Variants in AOAH observed in about 807,000 individuals in gnomAD.
The protein encoded by AOAH is acyloxyacyl hydrolase (neutrophil).
A neutral mutation model predicts 92.2 loss-of-function variants in AOAH; 64 were observed. The observed-to-expected ratio is 0.69, with a 90% confidence interval of 0.57 to 0.86. AOAH has a LOEUF of 0.86. AOAH is among the 40% of genes least tolerant of loss of function. AOAH has a pLI of 0.00. For missense variants in AOAH, 656 were observed against 694.6 expected (o/e 0.94, Z 0.62); for synonymous variants, 263 against 254.5 (o/e 1.03, Z -0.32).
chr7:36,682,313 A>G (rs1216240499), intron 2 of AOAH, among the ~76,000 whole-genome samples: 1 of 152,204 alleles, frequency 6.6e-6, no homozygotes, highest in Non-Finnish European at 1.5e-5. Flanking sequence ...TTTTTTTAAC[A>G]CTACCCCAAA....
intron 15 of AOAH, among the ~76,000 whole-genome samples, chr7:36,543,591 TC>T (rs1188561019): frequency 6.6e-6 from 1 of 151,630 alleles, no homozygotes; most frequent in African/African-American, 2.4e-5. Context: ...ATTTTTTTTT[TC>T]GGTTAGAGGC....
chr7:36,722,785 T>TA (rs1249182759), intron 1 of AOAH, among the ~76,000 whole-genome samples: 1 of 151,514 alleles, frequency 6.6e-6, no homozygotes, highest in Non-Finnish European at 1.5e-5. Flanking sequence ...ATACAAAAAA[T>TA]TAGCTGGGTG....
chr7:36,629,758 G>C (rs1209216852), intron 6 of AOAH, among the ~76,000 whole-genome samples: 1 of 152,210 alleles, frequency 6.6e-6, no homozygotes, highest in African/African-American at 2.4e-5. Context: ...TATTACAACA[G>C]ATGAGAGATG....
chr7:36,591,460 A>G (rs141635915), intron 12 of AOAH, among the ~76,000 whole-genome samples: 3 of 152,210 alleles, frequency 2.0e-5, no homozygotes, highest in Non-Finnish European at 4.4e-5. Context: ...CCACACCTAG[A>G]TGGTCACTTA....
intron 19 of AOAH, among the ~76,000 whole-genome samples, chr7:36,523,629 G>GTTTT (rs57628897): frequency 0.081 from 8,092 of 99,834 alleles, 406 homozygotes; most frequent in East Asian, 0.13. Flanking sequence ...TGTTTTGCCT[G>GTTTT]TTTTTTTTTT....
intron 19 of AOAH, among the ~76,000 whole-genome samples, chr7:36,529,121 A>G (rs2115950343): frequency 6.6e-6 from 1 of 152,320 alleles, no homozygotes; most frequent in East Asian, 1.9e-4. Flanking sequence ...TTTGTTAGGA[A>G]GATATGGTAT....
At position 36,632,122 on chromosome 7, in the gene AOAH, A is replaced by T; in HGVS notation, c.451-16T>A. 5 of 1,599,810 alleles carry T rather than the reference A, an allele frequency of 3.1e-6. No individual in the cohort carries two copies. The highest frequency in any genetic ancestry group is 4.3e-6 in the Non-Finnish European group (5 of 1,173,976). ...TAGAATATTTCTGGGGAGAAAAAAA[A>T]AAACAAAAAGAGAGTTGTTTAGTTT... is the stretch of plus-strand genomic sequence containing the variant. On this transcript the variant is annotated splice_polypyrimidine_tract_variant and intron_variant, in intron 5 of 20. Coordinates refer to ENST00000617537, the MANE Select transcript of AOAH (RefSeq NM_001637.4).
chr7:36,519,086 C>T (rs181952089), intron 20 of AOAH, among the ~76,000 whole-genome samples: 10 of 152,342 alleles, frequency 6.6e-5, no homozygotes, highest in East Asian at 3.9e-4. Flanking sequence ...TTACCCTCCA[C>T]GCCGCTACTA....
Position 36,523,629 on chromosome 7 carries a change from G to GGTTTTTT in AOAH, c.1523-1515_1523-1514insAAAAAAC, listed in dbSNP as rs759621905. On this transcript the variant is annotated intron_variant, in intron 19 of 20. Transcript: ENST00000617537. Reference sequence around the variant, plus strand: ...TCAGTTTGCCTGGCCTGTTTTGCCTGTTTTTTTTTTTTTTTTTTTTGGCAT... The same window carrying GGTTTTTT: ...TCAGTTTGCCTGGCCTGTTTTGCCTGGTTTTTTTTTTTTTTTTTTTTTTTTTTGGCAT... Among the ~76,000 whole-genome samples the GGTTTTTT allele has an allele frequency of 7.6e-3, 765 of 100,060 alleles. 19 individuals are homozygous for GGTTTTTT. Among genetic ancestry groups the GGTTTTTT allele is most frequent in the African/African-American group, 0.029 (711 of 24,612 alleles). The allele number at this position is 100,060 out of a possible 152,430, so 65.6% of individuals were successfully genotyped here.
chr7:36,657,773 G>C (rs2116509689), intron 4 of AOAH, among the ~76,000 whole-genome samples: 1 of 152,278 alleles, frequency 6.6e-6, no homozygotes, highest in East Asian at 1.9e-4. Context: ...TTGAGAAGGG[G>C]GTCAGGGTAG....
intron 1 of AOAH, among the ~76,000 whole-genome samples, chr7:36,692,599 G>A (rs1797470001): frequency 6.6e-6 from 1 of 152,114 alleles, no homozygotes. Context: ...CCCAAGCAAG[G>A]CGTGAGAAGA....
chr7:36,702,108 A>G (rs1176632946), intron 1 of AOAH, among the ~76,000 whole-genome samples: 1 of 152,168 alleles, frequency 6.6e-6, no homozygotes, highest in African/African-American at 2.4e-5. Context: ...TTATATCTAT[A>G]AGTGTTATAA....
intron 1 of AOAH, among the ~76,000 whole-genome samples, chr7:36,722,749 A>G (rs995834036): frequency 1.3e-5 from 2 of 151,900 alleles, no homozygotes; most frequent in African/African-American, 2.4e-5. Context: ...TGTGGCCAAC[A>G]TAGGGAAACC....
intron 19 of AOAH, among the ~76,000 whole-genome samples, chr7:36,527,226 G>C (rs914926823): frequency 8.5e-5 from 13 of 152,138 alleles, no homozygotes; most frequent in African/African-American, 3.1e-4. Context: ...GAAAATGAAT[G>C]GGTCTTGTGC....
At position 36,678,600 on chromosome 7, in the gene AOAH, T is replaced by TGTGCGC. The variant is rs549317369; in HGVS notation, c.224-4592_224-4591insGCGCAC. ...GTGTGTGTGTGTGTGTGTGTGTGTG[T>TGTGCGC]GCGCGCGCGCGCGCGTTAGAATTCT... On this transcript the variant is annotated intron_variant, in intron 2 of 20. Transcript: ENST00000617537. Among the ~76,000 whole-genome samples the TGTGCGC allele has an allele frequency of 4.9e-3, 644 of 130,976 alleles. 10 individuals are homozygous for TGTGCGC. Among genetic ancestry groups the TGTGCGC allele is most frequent in the Non-Finnish European group, 6.8e-3 (400 of 58,984 alleles). 85.9% of individuals were successfully genotyped at this position (130,976 alleles called of 152,430 possible).
intron 13 of AOAH, among the ~76,000 whole-genome samples, chr7:36,554,526 C>A (rs1034519632): frequency 1.3e-5 from 2 of 152,212 alleles, no homozygotes; most frequent in African/African-American, 4.8e-5. Context: ...TGAAGAAAGT[C>A]ATTGGTAGCT....
chr7:36,643,404 G>A (rs1794029057), intron 4 of AOAH, among the ~76,000 whole-genome samples: 1 of 152,158 alleles, frequency 6.6e-6, no homozygotes, highest in Admixed American at 6.5e-5. Flanking sequence ...AATGGCAAGT[G>A]TGGCTCCCAT....
intron 9 of AOAH, among the ~76,000 whole-genome samples, chr7:36,618,781 C>T (rs1036443667): frequency 6.6e-6 from 1 of 152,198 alleles, no homozygotes; most frequent in Admixed American, 6.5e-5. Flanking sequence ...TTGCACATTC[C>T]TTTAGCCCCT....
intron 3 of AOAH, among the ~76,000 whole-genome samples, chr7:36,663,376 T>C (rs994571057): frequency 6.6e-6 from 1 of 152,224 alleles, no homozygotes; most frequent in Non-Finnish European, 1.5e-5. Flanking sequence ...ACTCTATGGG[T>C]TTGGACAAAT....
Sources: gnomAD v4.1 joint callset for allele counts (sites outside exome capture counted in the v4.1 genomes callset) on GRCh38, gnomAD v4.1.1 for gene constraint, MANE v1.5 for transcripts, NCBI Gene and HGNC (gene_info 2026-07-23, HGNC 2026-07-21) for gene names.